MYBL2: variants seen among roughly 807,000 people sequenced by gnomAD.
MYBL2 encodes the protein MYB proto-oncogene like 2.
In MYBL2, 28 loss-of-function variants were observed where a neutral mutation model predicts 79.9. The ratio of observed to expected loss-of-function variants is 0.35; its 90% CI spans 0.26 to 0.48. MYBL2 has a LOEUF of 0.48. Ranked by LOEUF, MYBL2 falls within the 20% of genes least tolerant of loss-of-function variation. The pLI, the probability that MYBL2 is intolerant of heterozygous loss-of-function variation, is 0.99. For missense variants in MYBL2, 735 were observed against 893.9 expected, an observed-to-expected ratio of 0.82 and a Z score of 2.27; for synonymous variants, 378 against 361.2, an observed-to-expected ratio of 1.05 and a Z score of -0.53.
At chr20:43,691,351 T>G (rs1245759170) in intron 5 of MYBL2, among the ~76,000 whole-genome samples, 1 of 152,098 alleles carries the variant, frequency 6.6e-6, no homozygotes, top group Non-Finnish European at 1.5e-5. Flanking sequence ...AGATGGAGTC[T>G]CACTCTGTTG....
intron 5 of MYBL2, 112 bp from the exon 6 acceptor site, chr20:43,692,045 G>T: frequency 1.0e-6 from 1 of 957,886 alleles, no homozygotes; most frequent in Non-Finnish European, 1.6e-6. Flanking sequence ...AGTTCATCTA[G>T]TGGAAGATTC....
intron 11 of MYBL2, 42 bp from the exon 12 acceptor site, chr20:43,712,960 C>T (rs1420867718): frequency 1.3e-6 from 2 of 1,488,988 alleles, no homozygotes; most frequent in Middle Eastern, 2.0e-4. Context: ...CATGGGGAAT[C>T]CAGACACTCA....
chr20:43,711,401 C>A, intron 10 of MYBL2, 87 bp from the exon 11 acceptor site: 1 of 969,300 alleles, frequency 1.0e-6, no homozygotes. Flanking sequence ...CAGGACAGCC[C>A]AGTTGCAGCT....
intron 5 of MYBL2, 74 bp from the exon 6 acceptor site, chr20:43,692,083 G>C: frequency 6.8e-7 from 1 of 1,466,316 alleles, no homozygotes; most frequent in Non-Finnish European, 9.4e-7. Flanking sequence ...CTTGGCTTAG[G>C]GAGGTTAGTG....
At chr20:43,711,376 C>T (rs891860987) in intron 10 of MYBL2, 112 bp from the exon 11 acceptor site, 12 of 717,620 alleles carry the variant, frequency 1.7e-5, no homozygotes, top group Middle Eastern at 3.8e-4. Flanking sequence ...CGTCAGGCCT[C>T]CTTCCTGCCT....
intron 1 of MYBL2, among the ~76,000 whole-genome samples, chr20:43,671,094 G>A (rs570588219): frequency 5.3e-5 from 8 of 151,552 alleles, no homozygotes; most frequent in Non-Finnish European, 8.8e-5. Context: ...TCAGTTTCCC[G>A]AGTAGCTAGG....
At chr20:43,696,810 T>C (rs1377304468) in intron 6 of MYBL2, among the ~76,000 whole-genome samples, 2 of 152,282 alleles carry the variant, frequency 1.3e-5, no homozygotes, top group Non-Finnish European at 2.9e-5. Context: ...CACTGCAACC[T>C]CCGCCTCCCG....
At chr20:43,713,779 C>T (rs539909843) in intron 12 of MYBL2, among the ~76,000 whole-genome samples, 65 of 152,218 alleles carry the variant, frequency 4.3e-4, no homozygotes, top group African/African-American at 1.4e-3. Flanking sequence ...CTTGCTGTGC[C>T]GGGTGCTACA....
intron 10 of MYBL2, among the ~76,000 whole-genome samples, chr20:43,710,501 C>T (rs545924075): frequency 6.3e-4 from 96 of 152,328 alleles, no homozygotes; most frequent in African/African-American, 2.1e-3. Context: ...AGTGTGCAGG[C>T]TGCCCTTCTC....
chr20:43,679,026 G>A (rs1987084361), intron 2 of MYBL2, among the ~76,000 whole-genome samples: 1 of 152,104 alleles, frequency 6.6e-6, no homozygotes, highest in African/African-American at 2.4e-5. Flanking sequence ...TGGGTGGGAA[G>A]AATGTAAGTT....
rs903322005 is a variant in MYBL2 at position 43,709,866 on chromosome 20, C to A, written c.1506-97C>A. On this transcript the variant is annotated intron_variant, in intron 9 of 13. Transcript: ENST00000217026. Reference sequence around the variant, plus strand: ...GATGGGACGAGAACCTGTGCTGGGGCCAAAGGTCGCACTGGGGGAAGGTGG... The same window carrying A: ...GATGGGACGAGAACCTGTGCTGGGGACAAAGGTCGCACTGGGGGAAGGTGG... The A allele has an allele frequency of 8.0e-6, 8 of 1,005,142 alleles. No individual in the cohort carries two copies. The African/African-American group carries it at 1.1e-4, about 14-fold the overall frequency. The allele number at this position is 1,005,142 out of a possible 1,614,324, so 62.3% of individuals were successfully genotyped here.
At chr20:43,708,874 G>C (rs1987844713) in intron 9 of MYBL2, among the ~76,000 whole-genome samples, 1 of 152,218 alleles carries the variant, frequency 6.6e-6, no homozygotes, top group South Asian at 2.1e-4. Flanking sequence ...TGAACTGTAA[G>C]ATGTGTACAT....
intron 12 of MYBL2, 108 bp from the exon 13 acceptor site, chr20:43,715,026 C>T (rs752682378): frequency 3.8e-6 from 5 of 1,313,830 alleles, no homozygotes; most frequent in Non-Finnish European, 5.4e-6. Context: ...TATCCTCTTT[C>T]AGGTCTCAGC....
At chr20:43,669,296 C>T (rs1986805014) in intron 1 of MYBL2, among the ~76,000 whole-genome samples, 1 of 152,170 alleles carries the variant, frequency 6.6e-6, no homozygotes, top group Non-Finnish European at 1.5e-5. Context: ...AGCCACCTTG[C>T]CTGGCGCCAT....
At chr20:43,715,334 T>C (rs1988007869) in intron 13 of MYBL2, 51 bp downstream of exon 13, 1 of 1,611,014 alleles carries the variant, frequency 6.2e-7, no homozygotes, top group Non-Finnish European at 8.5e-7. Context: ...CCTTCTTAGC[T>C]CAGGGCTGAG....
intron 2 of MYBL2, among the ~76,000 whole-genome samples, chr20:43,675,436 C>A (rs549524768): frequency 6.6e-6 from 1 of 152,032 alleles, no homozygotes; most frequent in African/African-American, 2.4e-5. Flanking sequence ...GCCTGAGCCT[C>A]CTGAGTAGCT....
At chr20:43,711,745 G>C (rs1987913379) in intron 11 of MYBL2, 144 bp downstream of exon 11, 1 of 679,264 alleles carries the variant, frequency 1.5e-6, no homozygotes, top group South Asian at 1.9e-5. Flanking sequence ...TTCGCACGGT[G>C]GTTGTTGAGG....
At chr20:43,668,123 G>A (rs1305547467) in intron 1 of MYBL2, among the ~76,000 whole-genome samples, 1 of 151,852 alleles carries the variant, frequency 6.6e-6, no homozygotes, top group African/African-American at 2.4e-5. Context: ...AGCCTGCCTG[G>A]GAGACAGGAC....
chr20:43,698,753 T>C (rs1164421584), intron 6 of MYBL2, among the ~76,000 whole-genome samples: 1 of 150,016 alleles, frequency 6.7e-6, no homozygotes, highest in African/African-American at 2.5e-5. Context: ...ACTGCAACCT[T>C]GAACTCATGA....
Sources: allele counts gnomAD v4.1 joint callset (sites outside exome capture counted in the v4.1 genomes callset), GRCh38; gene constraint gnomAD v4.1.1; transcripts MANE v1.5; gene names NCBI Gene and HGNC (gene_info 2026-07-23, HGNC 2026-07-21).